KALRN: variants seen among roughly 807,000 people sequenced by gnomAD.
KALRN encodes kalirin RhoGEF kinase, also known as kalirin.
A neutral mutation model predicts 353.7 loss-of-function variants in KALRN; 70 were observed. The observed-to-expected ratio is 0.20, with a 90% CI of 0.16 to 0.24. The LOEUF (loss-of-function observed/expected upper bound fraction) is 0.24. Among genes scored for constraint, KALRN ranks in the 10% least tolerant of loss-of-function variants. The pLI is 1.00. For synonymous variants in KALRN, 1,391 were observed against 1,434.8 expected, an observed-to-expected ratio of 0.97 and a Z score of 0.69; for missense variants, 2,791 against 3,756.7, an observed-to-expected ratio of 0.74 and a Z score of 6.72.
At chr3:124,571,076 G>A (rs75637890) in intron 34 of KALRN, among the ~76,000 whole-genome samples, 2,139 of 152,048 alleles carry the variant, frequency 0.014, 24 homozygotes, top group East Asian at 0.054. Context: ...ATTCTCCCCC[G>A]TCCGAGCCCC....
chr3:124,679,621 G>A (rs1336410712), intron 51 of KALRN, 104 bp downstream of exon 51: 1 of 968,832 alleles, frequency 1.0e-6, no homozygotes, highest in Admixed American at 1.7e-5. Flanking sequence ...AAGATAAATT[G>A]TGATGTTGGG....
rs563359835 is a variant in KALRN at position 124,599,052 on chromosome 3, G to A, written c.5183-33368G>A. Among the ~76,000 whole-genome samples, 31 of 152,248 alleles carry A rather than the reference G, an allele frequency of 2.0e-4. No homozygotes were observed. The South Asian group carries it at 2.9e-3, about 14-fold the overall frequency. Reference sequence around the variant, plus strand: ...ATCTGGGGACAGGGGTGGGGTGGGGGTTAGATTGGGCAGTCGGGACCCTGC... The same window carrying A: ...ATCTGGGGACAGGGGTGGGGTGGGGATTAGATTGGGCAGTCGGGACCCTGC... On this transcript the variant is annotated intron_variant, in intron 34 of 59. Coordinates refer to ENST00000682506, the MANE Select transcript of KALRN (RefSeq NM_001388419.1).
chr3:124,419,023 G>C (rs574531202), intron 14 of KALRN, among the ~76,000 whole-genome samples: 71 of 151,620 alleles, frequency 4.7e-4, no homozygotes, highest in African/African-American at 1.5e-3. Flanking sequence ...AGTGAGCTGA[G>C]ATCGCACCAC....
At chr3:124,714,420 G>A (rs141305734) in intron 58 of KALRN, among the ~76,000 whole-genome samples, 48 of 152,328 alleles carry the variant, frequency 3.2e-4, no homozygotes, top group Admixed American at 1.1e-3. Context: ...TTGGGCTACT[G>A]TAGTGCAATG....
At chr3:124,142,316 G>T (rs1236641269) in intron 1 of KALRN, among the ~76,000 whole-genome samples, 1 of 152,222 alleles carries the variant, frequency 6.6e-6, no homozygotes, top group Non-Finnish European at 1.5e-5. Context: ...TTTCAGGCAG[G>T]TGTCTGTCTC....
chr3:124,477,226 T>C lies in KALRN; in HGVS notation c.4102-19T>C. 6.4e-7 allele frequency: 1 copy of C among 1,557,572 alleles called. No homozygotes were observed. Among genetic ancestry groups the C allele is most frequent in the Non-Finnish European group, 8.9e-7 (1 of 1,128,774 alleles). ...ACAACTAATGAATGCTTATCTATTA[T>C]TATCTTTGTTCTTTTTAGGCAGACA... On this transcript the variant is annotated intron_variant, in intron 26 of 59. Coordinates refer to ENST00000682506, the MANE Select transcript of KALRN (RefSeq NM_001388419.1).
At chr3:124,496,845 A>G (rs2063908279) in intron 33 of KALRN, among the ~76,000 whole-genome samples, 1 of 152,172 alleles carries the variant, frequency 6.6e-6, no homozygotes, top group Non-Finnish European at 1.5e-5. Flanking sequence ...AGCTCATCTC[A>G]AAGTTAGACC....
intron 33 of KALRN, among the ~76,000 whole-genome samples, chr3:124,499,276 A>G (rs1018859651): frequency 6.6e-6 from 1 of 152,208 alleles, no homozygotes; most frequent in Non-Finnish European, 1.5e-5. Flanking sequence ...AAGGAGTTCG[A>G]TACACCTAGG....
At chr3:124,667,276 C>G (rs947105997) in intron 47 of KALRN, 93 bp downstream of exon 47, 1 of 1,139,586 alleles carries the variant, frequency 8.8e-7, no homozygotes, top group Non-Finnish European at 1.2e-6. Context: ...GAGTTATGAA[C>G]CCAGATCACA....
In KALRN at chr3:124,676,642, A is replaced by G. The variant is rs560896111; in HGVS notation, c.7194-1548A>G. Among the ~76,000 whole-genome samples, 26 of 152,368 alleles carry G rather than the reference A, an allele frequency of 1.7e-4. No individual in the cohort carries two copies. In the East Asian group the frequency reaches 4.2e-3, roughly 25 times the overall value. Reference sequence around the variant, plus strand: ...CATATTAAATAACCCAGAGAATTTAATAAATGTAGAAACACACCCCCACAA... The same window carrying G: ...CATATTAAATAACCCAGAGAATTTAGTAAATGTAGAAACACACCCCCACAA... On this transcript the variant is annotated intron_variant, in intron 49 of 59. Transcript: ENST00000682506.
chr3:124,681,629 C>CTTTTTTT (rs56934346), intron 51 of KALRN, among the ~76,000 whole-genome samples: 11 of 103,724 alleles, frequency 1.1e-4, no homozygotes, highest in East Asian at 3.0e-4. Flanking sequence ...CAGTGATTGT[C>CTTTTTTT]TTTTTTTTTT....
At chr3:124,610,987 G>C (rs2077888170) in intron 34 of KALRN, among the ~76,000 whole-genome samples, 1 of 152,168 alleles carries the variant, frequency 6.6e-6, no homozygotes, top group Non-Finnish European at 1.5e-5. Context: ...GCATGCCACT[G>C]CACTCCAGCC....
chr3:124,692,233 G>C (rs2061850459), intron 51 of KALRN, among the ~76,000 whole-genome samples: 1 of 152,232 alleles, frequency 6.6e-6, no homozygotes, highest in Admixed American at 6.5e-5. Flanking sequence ...CTAAGCAGAG[G>C]TGTAAGTGGT....
chr3:124,493,300 CT>C (rs1452579814), intron 32 of KALRN, among the ~76,000 whole-genome samples: 1 of 152,172 alleles, frequency 6.6e-6, no homozygotes, highest in Non-Finnish European at 1.5e-5. Context: ...AGTCAAAGGG[CT>C]TTGTGTACTG....
chr3:124,608,698 C>A (rs1197054654), intron 34 of KALRN, among the ~76,000 whole-genome samples: 2 of 152,152 alleles, frequency 1.3e-5, no homozygotes, highest in East Asian at 3.9e-4. Context: ...GCAGTAATGG[C>A]ATTTAAAAGT....
intron 27 of KALRN, among the ~76,000 whole-genome samples, 199 bp downstream of exon 27, chr3:124,477,533 AT>A (rs1222491565): frequency 6.6e-6 from 1 of 152,204 alleles, no homozygotes; most frequent in Non-Finnish European, 1.5e-5. Context: ...GACCAAAGTG[AT>A]TTTGTACGAG....
In KALRN at chr3:124,686,798, ATTTT is replaced by A. The variant is rs10599336; in HGVS notation, c.7378-6975_7378-6972del. Among the ~76,000 whole-genome samples, 330 of 70,710 alleles carry A rather than the reference ATTTT, an allele frequency of 4.7e-3. 14 individuals carry two copies. The highest frequency in any genetic ancestry group is 0.012 in the African/African-American group (235 of 19,856). 46.4% of individuals were successfully genotyped at this position (70,710 alleles called of 152,430 possible). On this transcript the variant is annotated intron_variant, in intron 51 of 59. Coordinates refer to ENST00000682506, the MANE Select transcript of KALRN (RefSeq NM_001388419.1). ...CAGCATCTATGCAAACACTGGTGAG[ATTTT>A]TTTTTTTTTTTTTTTTTTTTTTTTT...
Position 124,424,059 on chromosome 3 carries a change from T to C in KALRN, c.2709+1081T>C, listed in dbSNP as rs1008481127. Among the ~76,000 whole-genome samples, 5 of 152,094 alleles carry C rather than the reference T, an allele frequency of 3.3e-5. No individual in the cohort carries two copies. In the East Asian group the frequency reaches 9.6e-4, roughly 29 times the overall value. On this transcript the variant is annotated intron_variant, in intron 15 of 59. Transcript: ENST00000682506. ...CACAACCATTCTCTGAAGTAAACTT[T>C]ATTCTCATTTTATAGATTAGGCCAC...
chr3:124,335,609 C>A (rs561599552), intron 9 of KALRN, among the ~76,000 whole-genome samples: 3 of 152,174 alleles, frequency 2.0e-5, no homozygotes, highest in East Asian at 1.9e-4. Context: ...GATCCAGGCT[C>A]ACTGTCATCT....
Sources: allele counts gnomAD v4.1 joint callset (sites outside exome capture counted in the v4.1 genomes callset), GRCh38; gene constraint gnomAD v4.1.1; transcripts MANE v1.5; gene names NCBI Gene and HGNC (gene_info 2026-07-23, HGNC 2026-07-21).